CDH13: variants seen among roughly 807,000 people sequenced by gnomAD.
CDH13 encodes the protein cadherin-13.
A neutral mutation model predicts 63.8 loss-of-function variants in CDH13; 24 were observed. The ratio of observed to expected loss-of-function variants is 0.38; its 90% CI spans 0.27 to 0.53. The LOEUF (loss-of-function observed/expected upper bound fraction) is 0.53, where lower values mean the gene tolerates loss of function less well. Among genes scored for constraint, CDH13 ranks in the 20% least tolerant of loss-of-function variants. CDH13 has a pLI of 0.85. For missense variants in CDH13, 1,049 were observed against 903.1 expected, an observed-to-expected ratio of 1.16 and a Z score of -2.07; for synonymous variants, 503 against 355.3, an observed-to-expected ratio of 1.42 and a Z score of -4.67.
In CDH13 at chr16:83,553,007, A is replaced by C. The variant is rs1170991432; in HGVS notation, c.961-49447A>C. 2.0e-5 allele frequency among the ~76,000 whole-genome samples: 3 copies of C among 150,960 alleles called. No individual in the cohort carries two copies. The Admixed American group carries it at 2.0e-4, about 10-fold the overall frequency. On this transcript the variant is annotated intron_variant, in intron 7 of 13. Transcript: ENST00000567109. ...GGCAGGAGAATCACTTGAACCCAGG[A>C]GGCAGAGGTTGCAGTGAGCTGAGAT...
At chr16:83,667,469 A>G (rs72797204) in intron 8 of CDH13, among the ~76,000 whole-genome samples, 15,027 of 151,900 alleles carry the variant, frequency 0.099, 962 homozygotes, top group Non-Finnish European at 0.14. Context: ...CTATCCATCT[A>G]TCTGTCCACC....
chr16:83,773,032 T>A (rs1914861842), intron 11 of CDH13: 1 of 152,222 alleles, frequency 6.6e-6, no homozygotes, highest in Non-Finnish European at 1.5e-5. Context: ...GGGAGGTTGG[T>A]CCATGTGATT....
intron 8 of CDH13, among the ~76,000 whole-genome samples, chr16:83,619,407 T>C (rs996043886): frequency 2.6e-5 from 4 of 152,210 alleles, no homozygotes; most frequent in Non-Finnish European, 2.9e-5. Context: ...AGGAGGTGAC[T>C]GTATTCATTT....
intron 5 of CDH13, among the ~76,000 whole-genome samples, chr16:83,330,015 C>T (rs1022133781): frequency 2.6e-5 from 4 of 152,124 alleles, no homozygotes; most frequent in Non-Finnish European, 5.9e-5. Context: ...TTTTAAGACC[C>T]TGCTTTCAAA....
At chr16:83,435,439 G>T (rs114573826) in intron 6 of CDH13, among the ~76,000 whole-genome samples, 1 of 151,964 alleles carries the variant, frequency 6.6e-6, no homozygotes, top group Non-Finnish European at 1.5e-5. Flanking sequence ...GTGGCTCCCC[G>T]TTGCCCCAAA....
At chr16:83,612,352 T>C (rs1304282214) in intron 8 of CDH13, among the ~76,000 whole-genome samples, 1 of 152,084 alleles carries the variant, frequency 6.6e-6, no homozygotes, top group Non-Finnish European at 1.5e-5. Context: ...AGTGTCATCA[T>C]GGTATATTTC....
At chr16:83,020,164 T>C (rs1400931098) in intron 2 of CDH13, among the ~76,000 whole-genome samples, 1 of 152,218 alleles carries the variant, frequency 6.6e-6, no homozygotes, top group Non-Finnish European at 1.5e-5. Flanking sequence ...TGGACAAATA[T>C]GACGTCATGC....
chr16:83,535,753 G>T (rs1567745517), intron 7 of CDH13, among the ~76,000 whole-genome samples: 1 of 145,742 alleles, frequency 6.9e-6, no homozygotes, highest in Non-Finnish European at 1.5e-5. Flanking sequence ...TGAGTGAATG[G>T]AAGGAAAGAG....
At chr16:83,184,635 G>T (rs2151748165) in intron 4 of CDH13, among the ~76,000 whole-genome samples, 1 of 152,236 alleles carries the variant, frequency 6.6e-6, no homozygotes, top group Non-Finnish European at 1.5e-5. Flanking sequence ...CACGCCTGTA[G>T]TCCCAGCTAC....
chr16:83,497,706 C>T (rs1026662529), intron 7 of CDH13, among the ~76,000 whole-genome samples: 12 of 152,080 alleles, frequency 7.9e-5, no homozygotes, highest in South Asian at 2.1e-4. Flanking sequence ...AAAGCTCATG[C>T]GTCATCAAAA....
chr16:83,015,561 T>C (rs917141538), intron 2 of CDH13, among the ~76,000 whole-genome samples: 2 of 150,924 alleles, frequency 1.3e-5, no homozygotes, highest in Non-Finnish European at 3.0e-5. Context: ...CATCTTAGCA[T>C]TTAACTGTTT....
intron 3 of CDH13, among the ~76,000 whole-genome samples, chr16:83,080,875 T>TTTTTTTTG (rs1432656635): frequency 0.023 from 2,079 of 92,398 alleles, 155 homozygotes; most frequent in Non-Finnish European, 0.034. Context: ...TTTTGTGTTT[T>TTTTTTTTG]TTTTTTTTTT....
chr16:83,265,481 T>C (rs1029513795), intron 5 of CDH13, among the ~76,000 whole-genome samples: 1 of 152,174 alleles, frequency 6.6e-6, no homozygotes, highest in Non-Finnish European at 1.5e-5. Context: ...TACATAACTG[T>C]CTTCTCTTAA....
At chr16:83,385,668 C>T (rs1047559458) in intron 6 of CDH13, among the ~76,000 whole-genome samples, 1 of 152,132 alleles carries the variant, frequency 6.6e-6, no homozygotes. Context: ...AAGAATGAAA[C>T]TCATCACATC....
At chr16:83,437,740 T>C (rs889408163) in intron 6 of CDH13, among the ~76,000 whole-genome samples, 1 of 151,960 alleles carries the variant, frequency 6.6e-6, no homozygotes, top group Non-Finnish European at 1.5e-5. Flanking sequence ...AGAAAAAAAA[T>C]AACATTCTTG....
In CDH13 at chr16:82,860,266, C is replaced by T. The variant is rs371631786; in HGVS notation, c.157+1793C>T. ...AATGTGATTGCTTCTGTAATCTTCA[C>T]GATAGCAAACAGTTTTTAATTCGCT... is the stretch of plus-strand genomic sequence containing the variant. On this transcript the variant is annotated intron_variant, in intron 2 of 13. Coordinates refer to ENST00000567109, the MANE Select transcript of CDH13 (RefSeq NM_001257.5). 1.5e-4 allele frequency among the ~76,000 whole-genome samples: 23 copies of T among 151,516 alleles called. No homozygotes were observed. The East Asian group carries it at 1.9e-3, about 13-fold the overall frequency.
intron 7 of CDH13, among the ~76,000 whole-genome samples, chr16:83,499,282 A>G (rs985738717): frequency 1.3e-5 from 2 of 152,250 alleles, no homozygotes; most frequent in Non-Finnish European, 2.9e-5. Flanking sequence ...AAGCTGTGAT[A>G]CTTCTTTGTT....
chr16:82,888,294 A>G (rs1368044312), intron 2 of CDH13, among the ~76,000 whole-genome samples: 1 of 152,208 alleles, frequency 6.6e-6, no homozygotes, highest in East Asian at 1.9e-4. Flanking sequence ...GGGAGAATAA[A>G]GGCAAAAGGT....
At chr16:83,577,282 G>T (rs909716963) in intron 7 of CDH13, among the ~76,000 whole-genome samples, 3 of 152,162 alleles carry the variant, frequency 2.0e-5, no homozygotes, top group Non-Finnish European at 4.4e-5. Flanking sequence ...ATTTATGGAT[G>T]ATCACATTGA....
Sources: gnomAD v4.1 joint callset for allele counts (sites outside exome capture counted in the v4.1 genomes callset) on GRCh38, gnomAD v4.1.1 for gene constraint, MANE v1.5 for transcripts, NCBI Gene and HGNC (gene_info 2026-07-23, HGNC 2026-07-21) for gene names.